MICU3: variants seen among roughly 807,000 people sequenced by gnomAD.
MICU3 encodes the protein mitochondrial calcium uptake 3, also known as calcium uptake protein 3, mitochondrial.
In MICU3, 62 loss-of-function variants were observed where a neutral mutation model predicts 66.5. The observed-to-expected ratio is 0.93, with a 90% CI of 0.76 to 1.15. MICU3 has a LOEUF of 1.15. MICU3 is among the 50% of genes most tolerant of loss of function. The probability of loss-of-function intolerance (pLI) is 0.00; values close to 1 mark genes in which losing one functional copy is unlikely to be tolerated. For synonymous variants in MICU3, 308 were observed against 240.7 expected (o/e 1.28, Z -2.59); for missense variants, 779 against 664.4 (o/e 1.17, Z -1.90).
chr8:17,085,569 T>A (rs919947114), intron 6 of MICU3, among the ~76,000 whole-genome samples: 1 of 152,238 alleles, frequency 6.6e-6, no homozygotes, highest in Admixed American at 6.5e-5. Context: ...ATGTATCAGG[T>A]GTTTTCTGTT....
chr8:17,111,580 T>G (rs946840336), intron 11 of MICU3, among the ~76,000 whole-genome samples: 2 of 152,228 alleles, frequency 1.3e-5, no homozygotes, highest in Non-Finnish European at 2.9e-5. Flanking sequence ...TGGTGTCATA[T>G]TTAAGCAGTT....
downstream of MICU3, among the ~76,000 whole-genome samples, chr8:17,125,154 T>TATAG: frequency 6.6e-6 from 1 of 151,948 alleles, no homozygotes; most frequent in Non-Finnish European, 1.5e-5. Flanking sequence ...TAGCCTGTAA[T>TATAG]CTTTCTTTTC....
At chr8:17,084,347 T>C (rs1821635820) in intron 5 of MICU3, among the ~76,000 whole-genome samples, 1 of 152,140 alleles carries the variant, frequency 6.6e-6, no homozygotes, top group Non-Finnish European at 1.5e-5. Flanking sequence ...AAGGATTGGC[T>C]TCTGTTTCTG....
intron 1 of MICU3, among the ~76,000 whole-genome samples, chr8:17,032,605 A>G (rs958792914): frequency 6.6e-6 from 1 of 152,112 alleles, no homozygotes; most frequent in African/African-American, 2.4e-5. Context: ...CCTTTACCAT[A>G]TGTTTTCCAG....
chr8:17,070,850 G>A (rs1276557812), intron 3 of MICU3, among the ~76,000 whole-genome samples: 1 of 151,970 alleles, frequency 6.6e-6, no homozygotes, highest in Non-Finnish European at 1.5e-5. Flanking sequence ...GGAAAGTACT[G>A]AACCCTATAT....
Position 17,027,337 on chromosome 8 carries a change from G to C in MICU3, c.58G>C (p.Ala20Pro). 1 of 1,529,672 alleles carries C rather than the reference G, an allele frequency of 6.5e-7. No homozygotes were observed. Among genetic ancestry groups the C allele is most frequent in the Non-Finnish European group, 8.7e-7 (1 of 1,147,966 alleles). The allele number at this position is 1,529,672 out of a possible 1,614,324, so 94.8% of individuals were successfully genotyped here. A position where few individuals can be genotyped will look rare whatever the true frequency, so the allele number is the denominator to read the frequency against. ...ACCCCGGGTGTCTCCTCCACTCTGCGCTCACCAGCCCCTCCTTGGGCCGTG... is the reference window on the plus strand; with the variant it reads ...ACCCCGGGTGTCTCCTCCACTCTGCCCTCACCAGCCCCTCCTTGGGCCGTG... ...PPPRVSPPLC[A>P]HQPLLGPWGR... Residue 20 changes from alanine (A) to proline (P), a missense_variant, in exon 1 of 15, where the codon GCT becomes CCT. By Grantham distance (27) the Ala-to-Pro change is conservative (BLOSUM62 -1). Coordinates refer to ENST00000318063, the MANE Select transcript of MICU3 (RefSeq NM_181723.3).
rs149693787 is a variant in MICU3 at position 17,086,385 on chromosome 8, A to C, written c.778-579A>C. Among the ~76,000 whole-genome samples the C allele has an allele frequency of 3.7e-3, 563 of 152,212 alleles. 17 individuals are homozygous for C. The highest frequency in any genetic ancestry group is 8.5e-4 in the Non-Finnish European group (58 of 67,998). ...TTACTGGGATTTATCAGTAGGCTTA[A>C]ACTCTCACCCACGCAGCCCTTGCCC... On this transcript the variant is annotated intron_variant, in intron 6 of 14. Transcript: ENST00000318063.
intron 11 of MICU3, among the ~76,000 whole-genome samples, chr8:17,105,973 G>C (rs1801704304): frequency 6.6e-6 from 1 of 151,896 alleles, no homozygotes; most frequent in South Asian, 2.1e-4. Context: ...CTTAATAAAA[G>C]GTCATTTGAA....
rs563580823 is a variant in MICU3, at chr8:17,060,528, T to C, written c.382-3556T>C. Among the ~76,000 whole-genome samples the C allele has an allele frequency of 2.0e-4, 31 of 152,118 alleles. 1 individual carries two copies. The highest frequency in any genetic ancestry group is 2.0e-3 in the Admixed American group (31 of 15,266). ...GGTTTCACCATGTTGGCCAGGCTGGTCTCGAACTCCTGACCTCAAGTGATC... is the reference window on the plus strand; with the variant it reads ...GGTTTCACCATGTTGGCCAGGCTGGCCTCGAACTCCTGACCTCAAGTGATC... On this transcript the variant is annotated intron_variant, in intron 1 of 14. Transcript: ENST00000318063.
chr8:17,068,011 A>C (rs988963316), intron 2 of MICU3, among the ~76,000 whole-genome samples: 4 of 152,138 alleles, frequency 2.6e-5, no homozygotes, highest in Admixed American at 2.6e-4. Context: ...TAAAATCAGT[A>C]ATTATTTTCC....
intron 1 of MICU3, among the ~76,000 whole-genome samples, chr8:17,030,805 T>C (rs904894686): frequency 6.6e-6 from 1 of 152,220 alleles, no homozygotes; most frequent in Admixed American, 6.5e-5. Flanking sequence ...GGATTCTGTA[T>C]AGCAAATATT....
intron 1 of MICU3, among the ~76,000 whole-genome samples, chr8:17,059,291 C>G (rs776679836): frequency 1.2e-4 from 19 of 152,172 alleles, no homozygotes; most frequent in Non-Finnish European, 2.6e-4. Flanking sequence ...CAAATGATCT[C>G]TAAGGACCAT....
intron 1 of MICU3, among the ~76,000 whole-genome samples, chr8:17,055,365 C>A (rs117593175): frequency 6.6e-6 from 1 of 152,302 alleles, no homozygotes; most frequent in Non-Finnish European, 1.5e-5. Context: ...CTTAAACTTA[C>A]TCTAATGTTT....
At chr8:17,037,815 C>T (rs1055947460) in intron 1 of MICU3, among the ~76,000 whole-genome samples, 20 of 152,182 alleles carry the variant, frequency 1.3e-4, no homozygotes, top group African/African-American at 4.8e-4. Context: ...CTGCCCAAGG[C>T]CGTGGGAGCC....
chr8:17,090,537 C>A lies in MICU3; in HGVS notation c.850-9C>A. The A allele has an allele frequency of 1.9e-6, 3 of 1,610,056 alleles. No individual in the cohort carries two copies. The highest frequency in any genetic ancestry group is 2.5e-6 in the Non-Finnish European group (3 of 1,177,962). ...GACACTTCATTTGGCCCTTTGTGCT[C>A]TATGTCAGCGTCTTCAACTTTATGG... On this transcript the variant is annotated splice_polypyrimidine_tract_variant and intron_variant, in intron 7 of 14. Transcript: ENST00000318063.
intron 4 of MICU3, among the ~76,000 whole-genome samples, chr8:17,080,670 A>G (rs576625023): frequency 1.2e-4 from 19 of 152,140 alleles, no homozygotes; most frequent in Non-Finnish European, 2.4e-4. Flanking sequence ...ATCTGTCTAT[A>G]GGTCACAATA....
At chr8:17,074,563 G>A (rs1038326608) in intron 3 of MICU3, among the ~76,000 whole-genome samples, 1 of 151,020 alleles carries the variant, frequency 6.6e-6, no homozygotes, top group Non-Finnish European at 1.5e-5. Context: ...TGCCTAGCTG[G>A]AGAATCAGAC....
intron 1 of MICU3, among the ~76,000 whole-genome samples, chr8:17,055,789 GAC>G (rs997632282): frequency 7.9e-5 from 12 of 152,234 alleles, no homozygotes; most frequent in African/African-American, 2.7e-4. Flanking sequence ...GAGAAAGAAA[GAC>G]ACACACTTGT....
intron 10 of MICU3, 130 bp from the exon 11 acceptor site, chr8:17,105,283 T>C (rs1701464016): frequency 1.7e-6 from 1 of 571,622 alleles, no homozygotes; most frequent in Admixed American, 3.9e-5. Context: ...AGGGAGGAAC[T>C]TTATTAATCT....
Sources: allele counts gnomAD v4.1 joint callset (sites outside exome capture counted in the v4.1 genomes callset), GRCh38; gene constraint gnomAD v4.1.1; transcripts MANE v1.5; gene names NCBI Gene and HGNC (gene_info 2026-07-23, HGNC 2026-07-21).